SLC9C2: variants seen among roughly 807,000 people sequenced by gnomAD.
SLC9C2 encodes the protein solute carrier family 9 member C2 (putative), also known as sodium/hydrogen exchanger 11.
A neutral mutation model predicts 140.2 loss-of-function variants in SLC9C2; 75 were observed. The ratio of observed to expected loss-of-function variants is 0.53; its 90% CI spans 0.44 to 0.65. The LOEUF (loss-of-function observed/expected upper bound fraction) is 0.65. Among genes scored for constraint, SLC9C2 ranks in the 30% least tolerant of loss-of-function variants. SLC9C2 has a pLI of 0.00. For missense variants in SLC9C2, 1,074 were observed against 1,331.8 expected (o/e 0.81, Z 3.01); for synonymous variants, 375 against 420.9 (o/e 0.89, Z 1.34).
At chr1:173,601,541 T>A (rs1666784278) in intron 2 of SLC9C2, 109 bp downstream of exon 2, 9 of 1,232,736 alleles carry the variant, frequency 7.3e-6, no homozygotes, top group South Asian at 3.0e-5. Context: ...TCATGTCTTA[T>A]CGTTTCAATG....
At chr1:173,525,756 G>C (rs1204116220) in intron 19 of SLC9C2, among the ~76,000 whole-genome samples, 1 of 152,212 alleles carries the variant, frequency 6.6e-6, no homozygotes, top group Non-Finnish European at 1.5e-5. Context: ...GTAGTGAATT[G>C]AGAAAACTTT....
chr1:173,599,126 C>CTT (rs144349930), intron 3 of SLC9C2, among the ~76,000 whole-genome samples: 16 of 148,704 alleles, frequency 1.1e-4, no homozygotes, highest in African/African-American at 3.7e-4. Context: ...TAAGCAGGCC[C>CTT]TTTTTTTTTT....
At chr1:173,524,710 C>G in intron 20 of SLC9C2, 69 bp downstream of exon 20, 4 of 1,543,576 alleles carry the variant, frequency 2.6e-6, no homozygotes, top group Non-Finnish European at 3.5e-6. Context: ...CAATCTCCCT[C>G]CTTATTACAC....
intron 26 of SLC9C2, among the ~76,000 whole-genome samples, chr1:173,504,028 G>A (rs1571413365): frequency 6.6e-6 from 1 of 152,232 alleles, no homozygotes; most frequent in African/African-American, 2.4e-5. Context: ...GGTGCCCCAA[G>A]GGGGCTGACG....
chr1:173,532,615 T>G (rs1392741190), intron 17 of SLC9C2, among the ~76,000 whole-genome samples: 1 of 152,192 alleles, frequency 6.6e-6, no homozygotes, highest in Non-Finnish European at 1.5e-5. Flanking sequence ...CATGAACAAA[T>G]TTTACTGAAA....
intron 9 of SLC9C2, among the ~76,000 whole-genome samples, chr1:173,565,509 G>T (rs1375636926): frequency 1.3e-5 from 2 of 152,162 alleles, no homozygotes; most frequent in Non-Finnish European, 2.9e-5. Context: ...TCAAAAAAGA[G>T]TTCACTGTAG....
At chr1:173,513,276 G>A (rs186506255) in intron 23 of SLC9C2, among the ~76,000 whole-genome samples, 3 of 151,930 alleles carry the variant, frequency 2.0e-5, no homozygotes, top group Non-Finnish European at 4.4e-5. Context: ...GAATTCGGCT[G>A]TGAATCTATC....
chr1:173,531,039 T>G (rs1051189753), intron 17 of SLC9C2, among the ~76,000 whole-genome samples: 1 of 152,174 alleles, frequency 6.6e-6, no homozygotes, highest in Non-Finnish European at 1.5e-5. Flanking sequence ...AGATTGCCAG[T>G]ATTCTTTCAC....
intron 4 of SLC9C2, among the ~76,000 whole-genome samples, chr1:173,588,385 T>C (rs1175021658): frequency 6.6e-6 from 1 of 152,200 alleles, no homozygotes; most frequent in Non-Finnish European, 1.5e-5. Context: ...AGTATTTATT[T>C]TTCAAAGTCA....
intron 9 of SLC9C2, among the ~76,000 whole-genome samples, chr1:173,562,529 C>T (rs555206032): frequency 6.6e-6 from 1 of 152,186 alleles, no homozygotes; most frequent in African/African-American, 2.4e-5. Context: ...AAGGAAAGTA[C>T]AAGATTTTCT....
At chr1:173,573,064 T>G (rs1028866912) in intron 9 of SLC9C2, 118 bp downstream of exon 9, 1 of 652,398 alleles carries the variant, frequency 1.5e-6, no homozygotes, top group Non-Finnish European at 2.5e-6. Context: ...TTGATAACAA[T>G]GCCGGTTTCC....
chr1:173,534,458 G>T, intron 16 of SLC9C2, 26 bp downstream of exon 16: 3 of 1,519,446 alleles, frequency 2.0e-6, no homozygotes, highest in South Asian at 1.3e-5. Flanking sequence ...TCTTTTTATA[G>T]ATTCTATTTC....
chr1:173,562,816 A>C (rs755406590), intron 9 of SLC9C2, among the ~76,000 whole-genome samples: 24 of 152,198 alleles, frequency 1.6e-4, no homozygotes, highest in Non-Finnish European at 2.9e-4. Context: ...ATATATAAAA[A>C]TTTTATTCCA....
At chr1:173,563,244 G>T (rs1296199741) in intron 9 of SLC9C2, among the ~76,000 whole-genome samples, 6 of 151,954 alleles carry the variant, frequency 3.9e-5, no homozygotes, top group Admixed American at 1.3e-4. Context: ...GTTCCACAAG[G>T]TCTTTATCAC....
In SLC9C2 at chr1:173,580,240, G is replaced by T. The variant is rs191125664; in HGVS notation, c.802+1607C>A. Among the ~76,000 whole-genome samples the T allele has an allele frequency of 1.6e-4, 25 of 152,280 alleles. 1 individual carries two copies. In the East Asian group the frequency reaches 4.4e-3, roughly 27 times the overall value. The stretch of plus-strand genomic sequence containing the variant: ...TTGAACAGAGTTTGAAAGACAGGAG[G>T]ATAATCAGCTCTGGCAAGCCAGCAA... On this transcript the variant is annotated intron_variant, in intron 7 of 27. Transcript: ENST00000367714.
Position 173,547,675 on chromosome 1 carries a change from T to A in SLC9C2, c.1557+14A>T. 1 of 1,591,556 alleles carries A rather than the reference T, an allele frequency of 6.3e-7. No individual in the cohort carries two copies. The highest frequency in any genetic ancestry group is 2.3e-5 in the East Asian group (1 of 44,210). ...AGAAAGGAAATTTTAAAACATTATG[T>A]GAACAGCACCAACCATTTGTATTGC... On this transcript the variant is annotated intron_variant, in intron 13 of 27. Transcript: ENST00000367714.
chr1:173,558,748 T>C (rs575330325), intron 9 of SLC9C2, among the ~76,000 whole-genome samples: 8 of 152,366 alleles, frequency 5.3e-5, no homozygotes, highest in African/African-American at 1.9e-4. Flanking sequence ...ACTATGTTCG[T>C]GTATTCCCAT....
In SLC9C2 at chr1:173,588,911, A is replaced by C. The variant is rs1436606940; in HGVS notation, c.358-1081T>G. Among the ~76,000 whole-genome samples, 4 of 147,808 alleles carry C rather than the reference A, an allele frequency of 2.7e-5. No individual in the cohort carries two copies. The Admixed American group carries it at 2.7e-4, about 10-fold the overall frequency. On this transcript the variant is annotated intron_variant, in intron 4 of 27. Coordinates refer to ENST00000367714, the MANE Select transcript of SLC9C2 (RefSeq NM_178527.4). ...AACATAGTGAGACTCCCACCTCTAC[A>C]AAAAAAAAAATTAAAAATTAGCTGA...
chr1:173,553,756 G>C (rs1408285052), intron 11 of SLC9C2, among the ~76,000 whole-genome samples: 1 of 152,118 alleles, frequency 6.6e-6, no homozygotes, highest in Non-Finnish European at 1.5e-5. Context: ...GATATTTATT[G>C]CATTATTTGC....
Sources: allele counts gnomAD v4.1 joint callset (sites outside exome capture counted in the v4.1 genomes callset), GRCh38; gene constraint gnomAD v4.1.1; transcripts MANE v1.5; gene names NCBI Gene and HGNC (gene_info 2026-07-23, HGNC 2026-07-21).